Variants in THADA observed in about 807,000 individuals in gnomAD.
THADA encodes the protein THADA armadillo repeat containing, also known as tRNA (32-2'-O)-methyltransferase regulator THADA.
A neutral mutation model predicts 219.8 loss-of-function variants in THADA; 213 were observed. The ratio of observed to expected loss-of-function variants is 0.97; its 90% confidence interval spans 0.87 to 1.09. THADA has a LOEUF of 1.09. Among genes scored for constraint, THADA ranks in the 50% least tolerant of loss-of-function variants. THADA has a pLI of 0.00. For synonymous variants in THADA, 1,018 were observed against 828.9 expected, an observed-to-expected ratio of 1.23 and a Z score of -3.92; for missense variants, 2,956 against 2,311.3, an observed-to-expected ratio of 1.28 and a Z score of -5.72.
At chr2:43,415,425 C>G (rs1407453577) in intron 28 of THADA, among the ~76,000 whole-genome samples, 1 of 152,140 alleles carries the variant, frequency 6.6e-6, no homozygotes, top group Admixed American at 6.5e-5. Context: ...GAAAAAGGGA[C>G]TGTTAATGGG....
intron 29 of THADA, among the ~76,000 whole-genome samples, chr2:43,397,473 A>G (rs1674220456): frequency 6.6e-6 from 1 of 152,162 alleles, no homozygotes; most frequent in Non-Finnish European, 1.5e-5. Flanking sequence ...ATTCAAAGTA[A>G]TAAGTTTTTT....
chr2:43,297,772 T>G (rs1258871524), intron 31 of THADA, among the ~76,000 whole-genome samples: 1 of 58,970 alleles, frequency 1.7e-5, no homozygotes, highest in Non-Finnish European at 3.2e-5. Context: ...GGGAGGGAGG[T>G]GGGGGGGTCG....
chr2:43,484,080 A>T (rs1686584561), intron 26 of THADA, among the ~76,000 whole-genome samples: 1 of 152,070 alleles, frequency 6.6e-6, no homozygotes, highest in African/African-American at 2.4e-5. Context: ...TTATTTATTT[A>T]AAAAATACTC....
chr2:43,273,737 C>A (rs1252754040), intron 36 of THADA, among the ~76,000 whole-genome samples: 1 of 152,124 alleles, frequency 6.6e-6, no homozygotes, highest in African/African-American at 2.4e-5. Context: ...CTGTCTCACT[C>A]CATAGGGCCA....
intron 24 of THADA, among the ~76,000 whole-genome samples, chr2:43,502,599 AAAAG>A (rs1553466051): frequency 6.1e-5 from 9 of 146,440 alleles, no homozygotes; most frequent in East Asian, 1.9e-4. Flanking sequence ...AAAAAAAAAA[AAAAG>A]AAAGAAAGAA....
At chr2:43,504,303 T>C (rs116370721) in intron 24 of THADA, among the ~76,000 whole-genome samples, 1 of 152,226 alleles carries the variant, frequency 6.6e-6, no homozygotes, top group South Asian at 2.1e-4. Context: ...CTGGCCACTA[T>C]GTGCCATATG....
chr2:43,469,647 C>T (rs572733254), intron 26 of THADA, among the ~76,000 whole-genome samples: 3 of 152,174 alleles, frequency 2.0e-5, no homozygotes, highest in East Asian at 1.9e-4. Flanking sequence ...CCAGCATTTT[C>T]GCTGCTGATC....
intron 28 of THADA, among the ~76,000 whole-genome samples, chr2:43,413,090 T>C (rs1676492911): frequency 6.6e-6 from 1 of 152,154 alleles, no homozygotes; most frequent in African/African-American, 2.4e-5. Context: ...TGATTTGAAA[T>C]AGGGTTATTT....
intron 30 of THADA, among the ~76,000 whole-genome samples, chr2:43,334,103 A>G (rs1361790117): frequency 1.3e-5 from 2 of 152,232 alleles, no homozygotes; most frequent in African/African-American, 4.8e-5. Flanking sequence ...TTGTCTCTAT[A>G]AGCATATTTT....
At chr2:43,294,865 T>A (rs1324259579) in intron 31 of THADA, among the ~76,000 whole-genome samples, 1 of 152,048 alleles carries the variant, frequency 6.6e-6, no homozygotes, top group African/African-American at 2.4e-5. Context: ...ACTGAAGGGA[T>A]AAAACTGGCA....
chr2:43,345,435 T>C (rs1304069002), intron 29 of THADA, among the ~76,000 whole-genome samples: 1 of 152,266 alleles, frequency 6.6e-6, no homozygotes, highest in East Asian at 1.9e-4. Context: ...TAAACAGAAG[T>C]AACTGTACAG....
At chr2:43,460,238 TAAAAAAAAAAAAAAAAAA>T (rs10560565) in intron 26 of THADA, among the ~76,000 whole-genome samples, 1 of 63,542 alleles carries the variant, frequency 1.6e-5, no homozygotes, top group Middle Eastern at 0.014. Flanking sequence ...TTTCTCTTAA[TAAAAAAAAAAAAAAAAAA>T]AAAAAAAAAA....
intron 31 of THADA, among the ~76,000 whole-genome samples, chr2:43,316,859 G>A (rs1249907858): frequency 1.3e-5 from 2 of 152,150 alleles, no homozygotes; most frequent in African/African-American, 2.4e-5. Flanking sequence ...CCCGGGACAC[G>A]GAAGTTTTGG....
At chr2:43,237,459 G>A (rs949789101) in intron 36 of THADA, among the ~76,000 whole-genome samples, 23 of 145,928 alleles carry the variant, frequency 1.6e-4, no homozygotes, top group Admixed American at 2.1e-4. Flanking sequence ...GTGCAGTGGC[G>A]CAATCTCAGC....
intron 24 of THADA, among the ~76,000 whole-genome samples, chr2:43,503,480 T>C (rs1429290948): frequency 6.6e-6 from 1 of 152,114 alleles, no homozygotes; most frequent in African/African-American, 2.4e-5. Flanking sequence ...AAAAGTATGA[T>C]GAAAATGCTT....
chr2:43,551,813 G>C lies in THADA; in HGVS notation c.2923C>G (p.Leu975Val), dbSNP rs1427583935. Residue 975 changes from leucine to valine, a missense_variant, in exon 19 of 38, where the codon CTC (leucine) becomes GTC (valine). By Grantham distance (32) the Leu-to-Val change is conservative. Coordinates refer to ENST00000405975, the MANE Select transcript of THADA (RefSeq NM_022065.5). ...CCTGAATCAGTGTCCATTGGGATGA[G>C]GCCTTCAGGGGATGAGCTCTGAATG... ...PVIQSSSPEG[L>V]IPMDTDSESA... 1 of 1,613,646 alleles carries C rather than the reference G, an allele frequency of 6.2e-7. No homozygotes were observed. Among genetic ancestry groups the C allele is most frequent in the South Asian group, 1.1e-5 (1 of 91,060 alleles).
chr2:43,310,319 C>T (rs1310922760), intron 31 of THADA, among the ~76,000 whole-genome samples: 1 of 149,492 alleles, frequency 6.7e-6, no homozygotes, highest in Non-Finnish European at 1.5e-5. Flanking sequence ...AGAAAGAGGA[C>T]TCACACATCC....
chr2:43,338,133 T>C (rs1187154113), intron 30 of THADA, among the ~76,000 whole-genome samples: 2 of 151,914 alleles, frequency 1.3e-5, no homozygotes, highest in African/African-American at 2.4e-5. Flanking sequence ...ATCCATATTG[T>C]TGTGTAACAA....
chr2:43,271,429 C>T (rs1672109681), intron 36 of THADA, among the ~76,000 whole-genome samples: 1 of 152,086 alleles, frequency 6.6e-6, no homozygotes. Flanking sequence ...AAACAGCTCC[C>T]CCACCAGGTA....
Sources: gnomAD v4.1 joint callset for allele counts (sites outside exome capture counted in the v4.1 genomes callset) on GRCh38, gnomAD v4.1.1 for gene constraint, MANE v1.5 for transcripts, NCBI Gene and HGNC (gene_info 2026-07-23, HGNC 2026-07-21) for gene names.